Variants in MYO3A observed in about 807,000 individuals in gnomAD.
The protein encoded by MYO3A is myosin IIIA.
Under a neutral mutation model 192.7 loss-of-function variants are expected in MYO3A, and 180 were observed. That is an observed-to-expected ratio of 0.93 (90% CI 0.83 to 1.06). The LOEUF (loss-of-function observed/expected upper bound fraction) is 1.06. MYO3A is among the 50% of genes least tolerant of loss of function. The pLI is 0.00. For missense variants in MYO3A, 1,896 were observed against 1,905.0 expected (o/e 1.00, Z 0.09); for synonymous variants, 628 against 645.3 (o/e 0.97, Z 0.41).
At chr10:26,084,376 C>G in intron 14 of MYO3A, among the ~76,000 whole-genome samples, 1 of 152,140 alleles carries the variant, frequency 6.6e-6, no homozygotes, top group East Asian at 1.9e-4. Flanking sequence ...CATCAGTGTT[C>G]ATCAGAGAAA....
chr10:26,172,201 C>G (rs1459999473), intron 29 of MYO3A, among the ~76,000 whole-genome samples: 2 of 152,250 alleles, frequency 1.3e-5, no homozygotes, highest in African/African-American at 4.8e-5. Context: ...TCCCTCCCTC[C>G]TCCACTTCTG....
intron 15 of MYO3A, among the ~76,000 whole-genome samples, chr10:26,092,891 C>T (rs1056646142): frequency 1.3e-5 from 2 of 152,142 alleles, no homozygotes; most frequent in African/African-American, 4.8e-5. Flanking sequence ...TTCGTGACCC[C>T]GGGTAAGCTT....
intron 10 of MYO3A, among the ~76,000 whole-genome samples, chr10:26,057,839 C>T (rs1444673292): frequency 6.6e-6 from 1 of 152,146 alleles, no homozygotes; most frequent in East Asian, 1.9e-4. Flanking sequence ...TTTTTAAGAG[C>T]AGTTTAAAGT....
At chr10:25,992,209 C>T (rs1840081511) in intron 4 of MYO3A, among the ~76,000 whole-genome samples, 1 of 152,156 alleles carries the variant, frequency 6.6e-6, no homozygotes, top group Non-Finnish European at 1.5e-5. Context: ...GTTTGTAGTT[C>T]TCCTTGAAGA....
chr10:26,164,192 A>G (rs1841616554), intron 26 of MYO3A, among the ~76,000 whole-genome samples: 1 of 152,250 alleles, frequency 6.6e-6, no homozygotes, highest in Non-Finnish European at 1.5e-5. Context: ...CCGTCTTTCA[A>G]CTTATCAGCA....
chr10:25,952,502 C>A (rs79655251), intron 3 of MYO3A, among the ~76,000 whole-genome samples: 1 of 152,032 alleles, frequency 6.6e-6, no homozygotes, highest in Non-Finnish European at 1.5e-5. Flanking sequence ...TGCATAAGCA[C>A]GCAAAAATGC....
At chr10:26,160,904 A>T (rs1413632904) in intron 26 of MYO3A, among the ~76,000 whole-genome samples, 1 of 152,210 alleles carries the variant, frequency 6.6e-6, no homozygotes, top group Non-Finnish European at 1.5e-5. Context: ...AAAAATAACC[A>T]TAGTTTTACA....
intron 17 of MYO3A, among the ~76,000 whole-genome samples, chr10:26,116,595 T>A (rs1037781263): frequency 5.9e-5 from 9 of 152,202 alleles, no homozygotes; most frequent in African/African-American, 1.9e-4. Flanking sequence ...TTTACTTCAA[T>A]ACCTCTATTC....
chr10:26,108,438 A>G (rs960777343), intron 17 of MYO3A, among the ~76,000 whole-genome samples: 2 of 152,248 alleles, frequency 1.3e-5, no homozygotes, highest in Non-Finnish European at 2.9e-5. Flanking sequence ...AAAAATTAGA[A>G]AATTTAATCA....
At chr10:26,142,317 C>T (rs1317674802) in intron 20 of MYO3A, among the ~76,000 whole-genome samples, 3 of 152,212 alleles carry the variant, frequency 2.0e-5, no homozygotes, top group Admixed American at 1.3e-4. Flanking sequence ...GGCTGCATGT[C>T]GTAGTTCAGA....
intron 20 of MYO3A, among the ~76,000 whole-genome samples, chr10:26,140,385 A>G (rs940278538): frequency 3.9e-5 from 6 of 152,024 alleles, no homozygotes; most frequent in African/African-American, 7.3e-5. Context: ...TCAAAATTCA[A>G]TGAAAAACAA....
At chr10:26,026,254 G>A in intron 9 of MYO3A, 123 bp from the exon 10 acceptor site, 1 of 1,169,600 alleles carries the variant, frequency 8.5e-7, no homozygotes, top group South Asian at 1.4e-5. Context: ...TATATTTTAA[G>A]CTTGGGCTGA....
chr10:26,016,445 G>A (rs1292021429), intron 6 of MYO3A, among the ~76,000 whole-genome samples: 3 of 152,134 alleles, frequency 2.0e-5, no homozygotes, highest in Admixed American at 6.5e-5. Flanking sequence ...ACAGGAAGAG[G>A]GCAGGGAGGA....
chr10:26,186,398 C>T (rs965043967), intron 31 of MYO3A, among the ~76,000 whole-genome samples: 7 of 151,700 alleles, frequency 4.6e-5, no homozygotes, highest in African/African-American at 1.5e-4. Context: ...TCCTGAGTAG[C>T]TGAGACTACA....
intron 15 of MYO3A, among the ~76,000 whole-genome samples, chr10:26,089,564 T>G (rs1836565020): frequency 6.6e-6 from 1 of 151,152 alleles, no homozygotes; most frequent in Admixed American, 6.6e-5. Flanking sequence ...TCATGCCACT[T>G]CACTCCAGCT....
chr10:26,037,779 G>A (rs1843118223), intron 10 of MYO3A, among the ~76,000 whole-genome samples: 1 of 152,078 alleles, frequency 6.6e-6, no homozygotes, highest in Non-Finnish European at 1.5e-5. Context: ...AAGGGCGAAA[G>A]GGAAGCAAGC....
At chr10:25,968,959 G>T (rs938902489) in intron 4 of MYO3A, among the ~76,000 whole-genome samples, 1 of 152,220 alleles carries the variant, frequency 6.6e-6, no homozygotes, top group Non-Finnish European at 1.5e-5. Flanking sequence ...ATGGCCACAG[G>T]CCAGGCATGG....
At chr10:26,051,084 C>T (rs1032384983) in intron 10 of MYO3A, among the ~76,000 whole-genome samples, 8 of 152,148 alleles carry the variant, frequency 5.3e-5, no homozygotes, top group African/African-American at 1.7e-4. Flanking sequence ...GCCTTCCCAC[C>T]AATGTCCCTC....
intron 2 of MYO3A, 106 bp from the exon 3 acceptor site, chr10:25,951,988 A>G: frequency 1.2e-6 from 1 of 824,554 alleles, no homozygotes. Context: ...GCTGTTGAAT[A>G]TTTTCTATCA....
Sources: gnomAD v4.1 joint callset for allele counts (sites outside exome capture counted in the v4.1 genomes callset) on GRCh38, gnomAD v4.1.1 for gene constraint, MANE v1.5 for transcripts, NCBI Gene and HGNC (gene_info 2026-07-23, HGNC 2026-07-21) for gene names.